SRCIN1: variants seen among roughly 807,000 people sequenced by gnomAD.
SRCIN1 encodes the protein SRC kinase signaling inhibitor 1.
Under a neutral mutation model 116.2 loss-of-function variants are expected in SRCIN1, and 50 were observed. The ratio of observed to expected loss-of-function variants is 0.43; its 90% CI spans 0.34 to 0.54. The LOEUF (loss-of-function observed/expected upper bound fraction) is 0.54, where lower values mean the gene tolerates loss of function less well. Ranked by LOEUF, SRCIN1 falls within the 20% of genes least tolerant of loss-of-function variation. SRCIN1 has a pLI of 0.02. For synonymous variants in SRCIN1, 736 were observed against 750.0 expected, an observed-to-expected ratio of 0.98 and a Z score of 0.30; for missense variants, 1,446 against 1,672.0, an observed-to-expected ratio of 0.86 and a Z score of 2.36.
At chr17:38,548,178 T>A (rs1194123748) in intron 17 of SRCIN1, among the ~76,000 whole-genome samples, 3 of 151,910 alleles carry the variant, frequency 2.0e-5, no homozygotes, top group Non-Finnish European at 4.4e-5. Flanking sequence ...CAGAGCTCCG[T>A]CCTCAGAATA....
At chr17:38,543,797 G>A (rs368083574) in intron 18 of SRCIN1, 26 bp downstream of exon 18, 2 of 1,599,116 alleles carry the variant, frequency 1.3e-6, no homozygotes, top group African/African-American at 2.7e-5. Context: ...GTGGGCCTGG[G>A]TGGCCCCCAC....
intron 14 of SRCIN1, 200 bp from the exon 15 acceptor site, chr17:38,551,589 T>C: frequency 1.6e-6 from 1 of 642,376 alleles, no homozygotes; most frequent in Non-Finnish European, 2.7e-6. Flanking sequence ...CCTCATTATA[T>C]ACTACATTCG....
chr17:38,568,462 G>A lies in SRCIN1; in HGVS notation c.325-231C>T, dbSNP rs117342133. On this transcript the variant is annotated intron_variant, in intron 2 of 18. Transcript: ENST00000617146. The surrounding 1 kb of genome is among the most constrained non-coding windows in gnomAD (Gnocchi z 4.5). ...TGAGCAGGCGCTACAGCGACTCCTC[G>A]CAGAGTTACTGGTGGGAAAAGGCAC... 3.9e-5 allele frequency among the ~76,000 whole-genome samples: 6 copies of A among 152,330 alleles called. No homozygotes were observed. Among genetic ancestry groups the A allele is most frequent in the East Asian group, 1.9e-4 (1 of 5,174 alleles).
rs1279982759 is a variant in SRCIN1, at chr17:38,533,108, AAAAAC to A, written c.*184_*188del. On this transcript the variant is annotated 3_prime_UTR_variant, in exon 19 of 19. Coordinates refer to ENST00000617146, the MANE Select transcript of SRCIN1 (RefSeq NM_025248.3). Reference sequence around the variant, plus strand: ...AAAGTTAATTGTTAAAAAAAAAAAAAAAAACAAAACCAAAAACACCAACAGATGAT... The same window carrying A: ...AAAGTTAATTGTTAAAAAAAAAAAAAAAAACCAAAAACACCAACAGATGAT... The A allele has an allele frequency of 1.9e-5, 9 of 461,938 alleles. No individual in the cohort carries two copies. The highest frequency in any genetic ancestry group is 3.0e-5 in the Non-Finnish European group (9 of 300,694). The allele number at this position is 461,938 out of a possible 1,614,324, so 28.6% of individuals were successfully genotyped here. A position where few individuals can be genotyped will look rare whatever the true frequency, so the allele number is the denominator to read the frequency against.
intron 18 of SRCIN1, among the ~76,000 whole-genome samples, chr17:38,535,071 G>T (rs761274178): frequency 3.2e-4 from 49 of 152,122 alleles, no homozygotes; most frequent in Admixed American, 7.2e-4. Context: ...GGTGGAAGTG[G>T]CAGTGAGCCA....
chr17:38,603,423 T>C (rs1381132617), intron 1 of SRCIN1, among the ~76,000 whole-genome samples: 1 of 152,028 alleles, frequency 6.6e-6, no homozygotes, highest in Non-Finnish European at 1.5e-5. Flanking sequence ...GAGGGGTTCA[T>C]TCGAGCGACC....
chr17:38,563,610 A>T lies in SRCIN1; in HGVS notation c.542-89T>A. The T allele has an allele frequency of 6.7e-7, 1 of 1,499,094 alleles. No homozygotes were observed. Among genetic ancestry groups the T allele is most frequent in the Non-Finnish European group, 9.0e-7 (1 of 1,112,996 alleles). 92.9% of individuals were successfully genotyped at this position (1,499,094 alleles called of 1,614,324 possible). ...GCGGGGAGCTTTTCGGAGCTGCGCC[A>T]GCCCCGCAGCGGCAGGGTCTGAGGC... On this transcript the variant is annotated intron_variant, in intron 4 of 18. Coordinates refer to ENST00000617146, the MANE Select transcript of SRCIN1 (RefSeq NM_025248.3). This position sits in a 1 kb window ranked among gnomAD's most constrained non-coding sequence, Gnocchi z 5.8.
chr17:38,561,192 T>C (rs1567864337), intron 7 of SRCIN1, among the ~76,000 whole-genome samples: 1 of 152,194 alleles, frequency 6.6e-6, no homozygotes. Context: ...AGAAAATGGA[T>C]GCAAACCCAA....
chr17:38,588,334 A>AAGCTGG (rs1908249468), intron 1 of SRCIN1, among the ~76,000 whole-genome samples: 1 of 152,240 alleles, frequency 6.6e-6, no homozygotes, highest in Admixed American at 6.5e-5. Context: ...CCCCAGTCTG[A>AAGCTGG]AGCTGGAGCT....
In SRCIN1 at chr17:38,590,863, G is replaced by A. The variant is rs143967536; in HGVS notation, c.23-12072C>T. On this transcript the variant is annotated intron_variant, in intron 1 of 18. Coordinates refer to ENST00000617146, the MANE Select transcript of SRCIN1 (RefSeq NM_025248.3). ...AAGCCATTAGGCCAGAGCCCCACAG[G>A]TCCCCTCTGTCCTTCCTACACCCTA... Among the ~76,000 whole-genome samples, 361 of 152,260 alleles carry A rather than the reference G, an allele frequency of 2.4e-3. 1 individual carries two copies. The highest frequency in any genetic ancestry group is 8.4e-3 in the African/African-American group (348 of 41,544).
chr17:38,606,483 G>C (rs540961612), upstream of SRCIN1, among the ~76,000 whole-genome samples: 1 of 152,106 alleles, frequency 6.6e-6, no homozygotes, highest in South Asian at 2.1e-4. The surrounding 1 kb of genome is among the most constrained non-coding windows in gnomAD (Gnocchi z 5.2). Flanking sequence ...GCCTAGACGC[G>C]GCTCGGTCGG....
chr17:38,593,594 G>A (rs1908558236), intron 1 of SRCIN1, among the ~76,000 whole-genome samples: 1 of 152,134 alleles, frequency 6.6e-6, no homozygotes, highest in African/African-American at 2.4e-5. Context: ...TGAGCTCACA[G>A]GACAGTTGTG....
In SRCIN1 at chr17:38,561,581, G is replaced by A. The variant is rs1597903516; in HGVS notation, c.1582C>T (p.Arg528Cys). The A allele has an allele frequency of 6.2e-7, 1 of 1,601,628 alleles. No homozygotes were observed. Among genetic ancestry groups the A allele is most frequent in the Non-Finnish European group, 8.5e-7 (1 of 1,175,372 alleles). ...VFAESPGGKT[R>C]SAGSASTAGA... Reference sequence around the variant, plus strand: ...GCCGTCGAGGCGCTCCCCGCGCTGCGGGTCTTCCCTCCAGGACTCTCGGCA... The same window carrying A: ...GCCGTCGAGGCGCTCCCCGCGCTGCAGGTCTTCCCTCCAGGACTCTCGGCA... Residue 528 changes from arginine to cysteine, a missense_variant, in exon 7 of 19, where the codon CGC becomes TGC. Transcript: ENST00000617146.
At chr17:38,590,063 G>A (rs751172639) in intron 1 of SRCIN1, among the ~76,000 whole-genome samples, 24 of 152,178 alleles carry the variant, frequency 1.6e-4, no homozygotes, top group Non-Finnish European at 2.8e-4. Context: ...CAGCATCTGG[G>A]AATGTGGAGC....
intron 11 of SRCIN1, among the ~76,000 whole-genome samples, chr17:38,554,328 G>A (rs945587869): frequency 1.3e-5 from 2 of 152,256 alleles, no homozygotes; most frequent in African/African-American, 2.4e-5. Context: ...CTTGTTTTCC[G>A]TGCTGCTGTA....
chr17:38,559,604 T>C lies in SRCIN1; in HGVS notation c.2006A>G (p.Gln669Arg), dbSNP rs1567863263. 1.2e-6 allele frequency: 2 copies of C among 1,601,466 alleles called. No homozygotes were observed. Among genetic ancestry groups the C allele is most frequent in the African/African-American group, 1.3e-5 (1 of 74,734 alleles). ...CGGTACCTGGAGCTTGCGCAACTGC[T>C]GGAGCTGGCCGCGCAAGTCACTGGC... Reference protein sequence around the residue: ...NSASDLRGQLQQLRKLQLQNQ... With the variant: ...NSASDLRGQLRQLRKLQLQNQ... The change falls in exon 10 of 19, where the codon CAG becomes CGG. Residue 669 changes from glutamine to arginine, a missense_variant. Gln to Arg is a conservative substitution (Grantham distance 43, BLOSUM62 1). Coordinates refer to ENST00000617146, the MANE Select transcript of SRCIN1 (RefSeq NM_025248.3).
Position 38,562,261 on chromosome 17 carries a change from G to A in SRCIN1, c.902C>T (p.Pro301Leu), listed in dbSNP as rs1055340768. The change falls in exon 7 of 19, where the codon CCG (proline) becomes CTG (leucine). Residue 301 changes from proline (P) to leucine (L), a missense_variant. Around this residue, in one of 5 missense-constraint regions of SRCIN1, gnomAD observed 239 missense variants for 317.7 expected, o/e 0.75. Transcript: ENST00000617146. The surrounding 1 kb of genome is among the most constrained non-coding windows in gnomAD (Gnocchi z 4.2). The part of the protein sequence containing the change: ...TRRLNNLSPA[P>L]HLASGSPPPG... Reference sequence around the variant, plus strand: ...CGGCGGCGAGCCGGATGCCAGGTGCGGCGCTGGTGACAGGTTGTTGAGGCG... The same window carrying A: ...CGGCGGCGAGCCGGATGCCAGGTGCAGCGCTGGTGACAGGTTGTTGAGGCG... 1.4e-6 allele frequency: 2 copies of A among 1,471,708 alleles called. No homozygotes were observed. Among genetic ancestry groups the A allele is most frequent in the Non-Finnish European group, 1.8e-6 (2 of 1,120,722 alleles). 91.2% of individuals were successfully genotyped at this position (1,471,708 alleles called of 1,614,324 possible).
chr17:38,551,779 C>A, intron 14 of SRCIN1, 107 bp downstream of exon 14: 1 of 1,586,412 alleles, frequency 6.3e-7, no homozygotes, highest in Non-Finnish European at 8.6e-7. Context: ...CCCTCCTCCC[C>A]CAAGGAAAAA....
rs2040901433 is a variant in SRCIN1, at chr17:38,530,279, G to A, written c.*3018C>T. On this transcript the variant is annotated 3_prime_UTR_variant, in exon 19 of 19. Transcript: ENST00000617146. ...TGGATGGGGCAGGGTGTGGAGCCGG[G>A]GCTCACCCCGGGGGGCCCCCTGGGG... The A allele has an allele frequency of 6.6e-6, 1 of 152,150 alleles. No homozygotes were observed. Among genetic ancestry groups the A allele is most frequent in the Non-Finnish European group, 1.5e-5 (1 of 68,034 alleles). The allele number at this position is 152,150 out of a possible 1,614,324, so 9.4% of individuals were successfully genotyped here.
Sources: allele counts gnomAD v4.1 joint callset (sites outside exome capture counted in the v4.1 genomes callset), GRCh38; gene constraint gnomAD v4.1.1; regional missense constraint gnomAD v4.1.1; non-coding constraint Gnocchi (gnomAD v3.1); transcripts MANE v1.5; gene names NCBI Gene and HGNC (gene_info 2026-07-23, HGNC 2026-07-21).